Variants in EPB41L4A observed in about 807,000 individuals in gnomAD.
EPB41L4A encodes the protein erythrocyte membrane protein band 4.1 like 4A, also known as band 4.1-like protein 4A.
In EPB41L4A, 100 loss-of-function variants were observed where a neutral mutation model predicts 108.6. The ratio of observed to expected loss-of-function variants is 0.92; its 90% CI spans 0.78 to 1.09. The LOEUF (loss-of-function observed/expected upper bound fraction) is 1.09, where lower values mean the gene tolerates loss of function less well. Ranked by LOEUF, EPB41L4A falls within the 50% of genes least tolerant of loss-of-function variation. EPB41L4A has a pLI of 0.00. For synonymous variants in EPB41L4A, 319 were observed against 289.0 expected (o/e 1.10, Z -1.05); for missense variants, 1,030 against 842.7 (o/e 1.22, Z -2.75).
intron 9 of EPB41L4A, among the ~76,000 whole-genome samples, chr5:112,254,343 T>A (rs1385243913): frequency 6.6e-6 from 1 of 152,178 alleles, no homozygotes; most frequent in African/African-American, 2.4e-5. Flanking sequence ...TCTGCCGACT[T>A]CTTTCCGTCT....
chr5:112,274,833 T>C (rs1752510045), intron 4 of EPB41L4A, among the ~76,000 whole-genome samples: 1 of 152,194 alleles, frequency 6.6e-6, no homozygotes, highest in African/African-American at 2.4e-5. Context: ...AGTAATGCAT[T>C]AAAACATTGG....
At chr5:112,314,792 C>G (rs75758043) in intron 1 of EPB41L4A, among the ~76,000 whole-genome samples, 1 of 146,320 alleles carries the variant, frequency 6.8e-6, no homozygotes, top group Non-Finnish European at 1.5e-5. Flanking sequence ...GACTCCATCT[C>G]AAAAAAAAAA....
At position 112,262,598 on chromosome 5, in the gene EPB41L4A, AACAAAGAGCCT is replaced by A; in HGVS notation, c.555-28_555-18del. On this transcript the variant is annotated intron_variant, in intron 6 of 22. Coordinates refer to ENST00000261486, the MANE Select transcript of EPB41L4A (RefSeq NM_022140.5). The stretch of plus-strand genomic sequence containing the variant: ...ATCTGACCCCTACACCCAGCACAAA[AACAAAGAGCCT>A]TATTTTACAGCAGCTACTGCACTTA... The A allele has an allele frequency of 6.2e-7, 1 of 1,607,980 alleles. No homozygotes were observed. Among genetic ancestry groups the A allele is most frequent in the Non-Finnish European group, 8.5e-7 (1 of 1,175,724 alleles).
chr5:112,228,852 C>G (rs1448549007), intron 12 of EPB41L4A: 1 of 473,072 alleles, frequency 2.1e-6, no homozygotes, highest in Non-Finnish European at 2.8e-6. Context: ...TGATGCTGAC[C>G]TCCTCTGGGT....
chr5:112,200,530 C>T (rs940904094), intron 15 of EPB41L4A, among the ~76,000 whole-genome samples: 6 of 152,152 alleles, frequency 3.9e-5, no homozygotes, highest in Non-Finnish European at 8.8e-5. Flanking sequence ...CCCTTAACAG[C>T]ATCTAAGCTC....
chr5:112,222,150 A>C (rs1201218154), intron 12 of EPB41L4A, among the ~76,000 whole-genome samples: 1 of 152,212 alleles, frequency 6.6e-6, no homozygotes, highest in East Asian at 1.9e-4. Flanking sequence ...GCTGACTCTG[A>C]CTATAAATGA....
chr5:112,384,708 GGAGA>G (rs1409501494), intron 1 of EPB41L4A, among the ~76,000 whole-genome samples: 3 of 150,786 alleles, frequency 2.0e-5, no homozygotes, highest in Non-Finnish European at 4.4e-5. Flanking sequence ...AGGAAGGAAG[GGAGA>G]GGGAGGGAGG....
At chr5:112,142,934 G>A (rs1759117964) in exon 14 of EPB41L4A, 1 of 152,134 alleles carries the variant, frequency 6.6e-6, no homozygotes, top group Non-Finnish European at 1.5e-5. Flanking sequence ...GTAGTTGCGT[G>A]CCAGTGCCAA....
At chr5:112,242,851 T>C (rs931746349) in intron 9 of EPB41L4A, among the ~76,000 whole-genome samples, 3 of 152,174 alleles carry the variant, frequency 2.0e-5, no homozygotes, top group African/African-American at 4.8e-5. Flanking sequence ...GCACTGTCAA[T>C]GAATAGTAAT....
chr5:112,411,224 G>A (rs920110292), intron 1 of EPB41L4A, among the ~76,000 whole-genome samples: 1 of 152,082 alleles, frequency 6.6e-6, no homozygotes, highest in Non-Finnish European at 1.5e-5. Flanking sequence ...AGAAAATAAG[G>A]AAGTTGGGAC....
chr5:112,180,767 A>C (rs1175552440), intron 18 of EPB41L4A, among the ~76,000 whole-genome samples: 1 of 152,206 alleles, frequency 6.6e-6, no homozygotes, highest in African/African-American at 2.4e-5. Flanking sequence ...ATGAAAATGC[A>C]AACCACAGCC....
chr5:112,253,307 T>G (rs1750827721), intron 9 of EPB41L4A, among the ~76,000 whole-genome samples: 1 of 152,182 alleles, frequency 6.6e-6, no homozygotes, highest in African/African-American at 2.4e-5. Flanking sequence ...CAGCTAGGAA[T>G]GCATAACCTT....
rs1580507107 is a variant in EPB41L4A, at chr5:112,240,869, T to G, written c.796-59A>C. 5.0e-6 allele frequency: 5 copies of G among 1,008,342 alleles called. No individual in the cohort carries two copies. The East Asian group carries it at 1.0e-4, about 21-fold the overall frequency. The allele number at this position is 1,008,342 out of a possible 1,614,324, so 62.5% of individuals were successfully genotyped here. A position where few individuals can be genotyped will look rare whatever the true frequency, so the allele number is the denominator to read the frequency against. On this transcript the variant is annotated intron_variant, in intron 9 of 22. Coordinates refer to ENST00000261486, the MANE Select transcript of EPB41L4A (RefSeq NM_022140.5). ...GACCAGGGAAGGAAGATAGCATTCT[T>G]CAAATAACAGCCCCCTTTAAGTAAC...
intron 2 of EPB41L4A, among the ~76,000 whole-genome samples, chr5:112,296,672 A>C (rs1020626348): frequency 6.6e-6 from 1 of 152,160 alleles, no homozygotes; most frequent in Non-Finnish European, 1.5e-5. Flanking sequence ...TAAGTTCTTT[A>C]ATGGTGATTT....
chr5:112,225,676 T>A (rs1464198411), intron 12 of EPB41L4A, among the ~76,000 whole-genome samples: 1 of 152,242 alleles, frequency 6.6e-6, no homozygotes, highest in African/African-American at 2.4e-5. Context: ...GCATGCATAC[T>A]TTCCCACCCA....
At chr5:112,313,766 T>C (rs755522957) in intron 1 of EPB41L4A, among the ~76,000 whole-genome samples, 1 of 151,418 alleles carries the variant, frequency 6.6e-6, no homozygotes, top group African/African-American at 2.4e-5. Flanking sequence ...AAGGAATGCA[T>C]AGAGGAATAT....
intron 12 of EPB41L4A, among the ~76,000 whole-genome samples, chr5:112,229,974 C>G (rs1748754433): frequency 7.0e-6 from 1 of 142,920 alleles, no homozygotes; most frequent in African/African-American, 2.6e-5. Flanking sequence ...GGAGGCAGAG[C>G]TAGACTCTGT....
intron 12 of EPB41L4A, among the ~76,000 whole-genome samples, chr5:112,225,606 G>A (rs36049225): frequency 6.6e-6 from 1 of 151,988 alleles, no homozygotes; most frequent in South Asian, 2.1e-4. Context: ...TCTCAGAAAC[G>A]CTTCCCAAAG....
At chr5:112,276,016 C>CA (rs961057905) in intron 3 of EPB41L4A, among the ~76,000 whole-genome samples, 1 of 151,276 alleles carries the variant, frequency 6.6e-6, no homozygotes, top group Admixed American at 6.6e-5. Flanking sequence ...TGGAAGAGTA[C>CA]AAAAAAAATT....
Sources: gnomAD v4.1 joint callset for allele counts (sites outside exome capture counted in the v4.1 genomes callset) on GRCh38, gnomAD v4.1.1 for gene constraint, MANE v1.5 for transcripts, NCBI Gene and HGNC (gene_info 2026-07-23, HGNC 2026-07-21) for gene names.